Variants in ADGRL2 observed in about 807,000 individuals in gnomAD.
ADGRL2 encodes adhesion G protein-coupled receptor L2, also known as calcium-independent alpha-latrotoxin receptor 2.
Under a neutral mutation model 157.4 loss-of-function variants are expected in ADGRL2, and 44 were observed. The ratio of observed to expected loss-of-function variants is 0.28; its 90% CI spans 0.22 to 0.36. ADGRL2 has a LOEUF of 0.36. Among genes scored for constraint, ADGRL2 ranks in the 10% least tolerant of loss-of-function variants. The probability of loss-of-function intolerance (pLI) is 1.00; values close to 1 mark genes in which losing one functional copy is unlikely to be tolerated. For missense variants in ADGRL2, 1,510 were observed against 1,768.9 expected, an observed-to-expected ratio of 0.85 and a Z score of 2.63; for synonymous variants, 585 against 624.7, an observed-to-expected ratio of 0.94 and a Z score of 0.95.
At chr1:81,703,044 C>T (rs1184215656) in intron 1 of ADGRL2, among the ~76,000 whole-genome samples, 3 of 152,118 alleles carry the variant, frequency 2.0e-5, no homozygotes, top group Non-Finnish European at 4.4e-5. Context: ...GATGGTCAAT[C>T]GCGCTGATTA....
At chr1:81,550,692 A>T (rs1475740777) in intron 2 of ADGRL2, among the ~76,000 whole-genome samples, 2 of 152,102 alleles carry the variant, frequency 1.3e-5, no homozygotes, top group African/African-American at 4.8e-5. Flanking sequence ...GCTGTTCGAG[A>T]TTTATCCTGT....
At chr1:81,444,001 C>T (rs535162745) in intron 1 of ADGRL2, among the ~76,000 whole-genome samples, 7 of 152,088 alleles carry the variant, frequency 4.6e-5, no homozygotes, top group East Asian at 1.9e-4. Flanking sequence ...TCCGATGCCC[C>T]GGTAAGTAGT....
chr1:81,424,236 T>C (rs2077173467), intron 1 of ADGRL2, among the ~76,000 whole-genome samples: 1 of 152,160 alleles, frequency 6.6e-6, no homozygotes, highest in African/African-American at 2.4e-5. Context: ...CTGTTGAGTG[T>C]TTTCCCGACA....
chr1:81,585,540 A>G (rs1454350011), intron 3 of ADGRL2, among the ~76,000 whole-genome samples: 1 of 152,120 alleles, frequency 6.6e-6, no homozygotes, highest in African/African-American at 2.4e-5. Flanking sequence ...ATTATTATGC[A>G]TTGCAGGCAA....
At chr1:81,781,270 C>T (rs2086801754) in intron 2 of ADGRL2, among the ~76,000 whole-genome samples, 1 of 152,098 alleles carries the variant, frequency 6.6e-6, no homozygotes, top group South Asian at 2.1e-4. Flanking sequence ...TTTCCCATCT[C>T]TACTCTTAAG....
chr1:81,677,055 C>T (rs552825919), intron 3 of ADGRL2, among the ~76,000 whole-genome samples: 1 of 150,582 alleles, frequency 6.6e-6, no homozygotes, highest in South Asian at 2.1e-4. Context: ...GGCACGATCT[C>T]GGCTCATCGC....
chr1:81,706,018 G>A (rs2149052981), intron 1 of ADGRL2, among the ~76,000 whole-genome samples: 1 of 152,192 alleles, frequency 6.6e-6, no homozygotes, highest in African/African-American at 2.4e-5. Context: ...AGACCATCCT[G>A]GCCAACATAG....
At chr1:81,736,997 G>A (rs1231754830) in intron 1 of ADGRL2, among the ~76,000 whole-genome samples, 1 of 151,988 alleles carries the variant, frequency 6.6e-6, no homozygotes, top group East Asian at 1.9e-4. Context: ...ACCATGCCCG[G>A]CTAATTTTTT....
chr1:81,712,564 G>C lies in ADGRL2; in HGVS notation c.-143+12756G>C, dbSNP rs2083965524. 3.9e-5 allele frequency among the ~76,000 whole-genome samples: 6 copies of C among 152,104 alleles called. No individual in the cohort carries two copies. In the South Asian group the frequency reaches 1.2e-3, roughly 32 times the overall value. On this transcript the variant is annotated intron_variant, in intron 1 of 20. Coordinates refer to the ADGRL2 transcript ENST00000359929. ...GAGGATCAGAGACATTAAGTAATAT[G>C]CCAAAGGTTACAAAAGCACACAGTG...
intron 1 of ADGRL2, among the ~76,000 whole-genome samples, chr1:81,397,412 C>A (rs916902899): frequency 1.1e-4 from 16 of 145,190 alleles, no homozygotes; most frequent in South Asian, 4.6e-4. Flanking sequence ...CTCCGCCTCC[C>A]GGGTTCACGC....
chr1:81,678,149 C>T (rs1437655120), intron 3 of ADGRL2, among the ~76,000 whole-genome samples: 1 of 152,150 alleles, frequency 6.6e-6, no homozygotes, highest in Non-Finnish European at 1.5e-5. Flanking sequence ...CATTATACCA[C>T]ACCATATTTC....
At chr1:81,466,359 G>A (rs150450453) in intron 2 of ADGRL2, among the ~76,000 whole-genome samples, 16 of 152,220 alleles carry the variant, frequency 1.1e-4, no homozygotes, top group Admixed American at 3.9e-4. Flanking sequence ...ATTCGGTTTC[G>A]TGCAGTTTTA....
At chr1:81,595,977 G>A (rs1041982319) in intron 3 of ADGRL2, among the ~76,000 whole-genome samples, 14 of 152,150 alleles carry the variant, frequency 9.2e-5, no homozygotes, top group African/African-American at 3.4e-4. Context: ...GGCGGAAGGG[G>A]TGAGGGAGCT....
chr1:81,949,899 G>T (rs1651187850), intron 6 of ADGRL2, among the ~76,000 whole-genome samples: 1 of 152,054 alleles, frequency 6.6e-6, no homozygotes, highest in South Asian at 2.1e-4. Context: ...TACTTAAACT[G>T]TACTATCACA....
chr1:81,467,060 GAAAA>G (rs1012324429), intron 2 of ADGRL2, among the ~76,000 whole-genome samples: 3 of 141,102 alleles, frequency 2.1e-5, no homozygotes, highest in East Asian at 2.4e-4. Context: ...AAAAAAAAAA[GAAAA>G]AAAACGACTG....
intron 2 of ADGRL2, among the ~76,000 whole-genome samples, chr1:81,786,635 T>G (rs1426965884): frequency 6.6e-6 from 1 of 152,234 alleles, no homozygotes; most frequent in African/African-American, 2.4e-5. Context: ...CTGGAAGTCA[T>G]TCCAATTTGA....
intron 2 of ADGRL2, among the ~76,000 whole-genome samples, chr1:81,465,115 G>T (rs1211979594): frequency 2.6e-5 from 4 of 152,034 alleles, no homozygotes; most frequent in African/African-American, 9.7e-5. Context: ...CTACTGTATT[G>T]TTTGTGAAAT....
chr1:81,360,445 T>C (rs2075957926), intron 1 of ADGRL2, among the ~76,000 whole-genome samples: 1 of 151,992 alleles, frequency 6.6e-6, no homozygotes, highest in Non-Finnish European at 1.5e-5. Flanking sequence ...GGAATGTGTT[T>C]CTGAAAAAAA....
At chr1:81,382,515 T>C (rs2076360768) in intron 1 of ADGRL2, among the ~76,000 whole-genome samples, 1 of 152,188 alleles carries the variant, frequency 6.6e-6, no homozygotes, top group East Asian at 1.9e-4. Flanking sequence ...CACGCCATTG[T>C]GTAGGTTATT....
Sources: allele counts gnomAD v4.1 joint callset (sites outside exome capture counted in the v4.1 genomes callset), GRCh38; gene constraint gnomAD v4.1.1; transcripts MANE v1.5; gene names NCBI Gene and HGNC (gene_info 2026-07-23, HGNC 2026-07-21).